The following ESRRG variants were observed in gnomAD, a reference collection of about 807,000 sequenced individuals.
ESRRG encodes estrogen-related receptor gamma.
A neutral mutation model predicts 44.0 loss-of-function variants in ESRRG; 13 were observed. The ratio of observed to expected loss-of-function variants is 0.30; its 90% CI spans 0.19 to 0.47. ESRRG has a LOEUF of 0.47. Among genes scored for constraint, ESRRG ranks in the 20% least tolerant of loss-of-function variants. ESRRG has a pLI of 1.00. For missense variants in ESRRG, 395 were observed against 580.6 expected (o/e 0.68, Z 3.29); for synonymous variants, 215 against 214.6 (o/e 1.00, Z -0.02).
chr1:216,622,946 G>A (rs2062518417), intron 3 of ESRRG, among the ~76,000 whole-genome samples: 1 of 152,074 alleles, frequency 6.6e-6, no homozygotes, highest in East Asian at 1.9e-4. Context: ...AAGCTAAACA[G>A]TTCTTATAGA....
rs1054982305 is a variant in ESRRG at position 217,028,171 on chromosome 1, G to A, written c.-106+61336C>T. Among the ~76,000 whole-genome samples the A allele has an allele frequency of 4.6e-5, 7 of 151,994 alleles. No individual in the cohort carries two copies. In the East Asian group the frequency reaches 7.7e-4, roughly 17 times the overall value. On this transcript the variant is annotated intron_variant, in intron 1 of 7. Coordinates refer to the ESRRG transcript ENST00000359162. ...TCATTATAACCTACAAAGGGATATC[G>A]GTCTTACAGAATAGCATCTTACTTC...
chr1:217,115,607 G>T (rs571434595), intron 1 of ESRRG, among the ~76,000 whole-genome samples: 4 of 152,160 alleles, frequency 2.6e-5, no homozygotes, highest in Admixed American at 2.6e-4. Context: ...TATCTGAAAT[G>T]CTCCTCCCTG....
At chr1:216,885,585 G>A (rs1163475578) in intron 2 of ESRRG, among the ~76,000 whole-genome samples, 1 of 150,592 alleles carries the variant, frequency 6.6e-6, no homozygotes, top group Non-Finnish European at 1.5e-5. Context: ...TTTATTGAAT[G>A]TTGATGCAAT....
upstream of ESRRG, among the ~76,000 whole-genome samples, chr1:216,725,042 C>T (rs150849354): frequency 1.3e-5 from 2 of 152,082 alleles, no homozygotes; most frequent in African/African-American, 4.8e-5. Flanking sequence ...ACTCCCTTAA[C>T]CCTCTCAAAT....
chr1:216,947,570 C>A (rs949889073), intron 1 of ESRRG, among the ~76,000 whole-genome samples: 1 of 152,080 alleles, frequency 6.6e-6, no homozygotes, highest in Non-Finnish European at 1.5e-5. Context: ...TGGGGCTGTA[C>A]GTGAGTATTT....
intron 2 of ESRRG, among the ~76,000 whole-genome samples, chr1:216,908,386 G>A (rs150948771): frequency 4.0e-4 from 61 of 152,292 alleles, no homozygotes; most frequent in Non-Finnish European, 6.8e-4. Flanking sequence ...GCCCTCAGAC[G>A]TCAGGGCTAG....
intron 2 of ESRRG, among the ~76,000 whole-genome samples, chr1:216,800,831 A>G (rs568936701): frequency 1.3e-5 from 2 of 152,320 alleles, no homozygotes; most frequent in African/African-American, 4.8e-5. Flanking sequence ...ATGAGTTTAT[A>G]AAGTCCTGTG....
chr1:216,577,959 A>T (rs1025735139), intron 3 of ESRRG, among the ~76,000 whole-genome samples: 2 of 152,056 alleles, frequency 1.3e-5, no homozygotes, highest in Non-Finnish European at 2.9e-5. Context: ...TTAGCAATTC[A>T]CTGAAGACAA....
intron 2 of ESRRG, among the ~76,000 whole-genome samples, chr1:216,785,356 G>A (rs2094089339): frequency 6.6e-6 from 1 of 152,032 alleles, no homozygotes; most frequent in Non-Finnish European, 1.5e-5. Context: ...AAGCAGCTGA[G>A]CAGGGTGTAG....
intron 2 of ESRRG, among the ~76,000 whole-genome samples, chr1:216,897,315 C>G (rs2058543455): frequency 6.6e-6 from 1 of 152,142 alleles, no homozygotes; most frequent in South Asian, 2.1e-4. Flanking sequence ...AGTAGTTTCT[C>G]AAACATCAAT....
chr1:217,075,640 A>G (rs951494229), intron 1 of ESRRG, among the ~76,000 whole-genome samples: 1 of 146,436 alleles, frequency 6.8e-6, no homozygotes, highest in South Asian at 2.4e-4. Flanking sequence ...TCTTTTTGAT[A>G]AACATAGCTG....
intron 1 of ESRRG, chr1:217,000,763 G>GT (rs1285755608): frequency 2.0e-5 from 3 of 152,266 alleles, no homozygotes; most frequent in African/African-American, 7.2e-5. Flanking sequence ...ACAGCTTCAT[G>GT]TTAGAAAGGG....
At chr1:216,557,208 T>A (rs2057768068) in intron 5 of ESRRG, among the ~76,000 whole-genome samples, 1 of 152,188 alleles carries the variant, frequency 6.6e-6, no homozygotes, top group Non-Finnish European at 1.5e-5. Context: ...TTTTATTGAT[T>A]TATAGGACAT....
intron 1 of ESRRG, among the ~76,000 whole-genome samples, chr1:216,995,503 G>C (rs1579229880): frequency 6.6e-6 from 1 of 152,298 alleles, no homozygotes; most frequent in South Asian, 2.1e-4. Context: ...ATTCCTGTAA[G>C]AAGCATGCTT....
intron 1 of ESRRG, among the ~76,000 whole-genome samples, chr1:217,031,140 G>A (rs939685822): frequency 6.6e-5 from 10 of 152,144 alleles, no homozygotes; most frequent in Non-Finnish European, 1.5e-4. Context: ...TTTTCTAAGA[G>A]TTATTTTAAA....
In ESRRG at chr1:216,505,264, T is replaced by C. The variant is rs2041000328; in HGVS notation, c.*1675A>G. 6.6e-6 allele frequency: 1 copy of C among 152,614 alleles called. No homozygotes were observed. Among genetic ancestry groups the C allele is most frequent in the Non-Finnish European group, 1.5e-5 (1 of 68,032 alleles). 9.5% of individuals were successfully genotyped at this position (152,614 alleles called of 1,614,324 possible). A position where few individuals can be genotyped will look rare whatever the true frequency, so the allele number is the denominator to read the frequency against. ...TCGGGGCATCTAATTGATTTCTTCA[T>C]TAGATTACACCTCTTAACAGTCTGG... On this transcript the variant is annotated 3_prime_UTR_variant, in exon 7 of 7. Coordinates refer to ENST00000408911, the MANE Select transcript of ESRRG (RefSeq NM_001438.4).
intron 2 of ESRRG, among the ~76,000 whole-genome samples, chr1:216,832,825 AG>A (rs1208601185): frequency 6.6e-6 from 1 of 152,066 alleles, no homozygotes; most frequent in Non-Finnish European, 1.5e-5. Context: ...TAAACACAAA[AG>A]TTAGCCAGAT....
intron 2 of ESRRG, among the ~76,000 whole-genome samples, chr1:216,756,369 G>A (rs2092444839): frequency 6.6e-6 from 1 of 151,952 alleles, no homozygotes; most frequent in Non-Finnish European, 1.5e-5. Context: ...CCTGGAATAA[G>A]AGAATGATTT....
chr1:216,721,600 C>G (rs1425064440), intron 1 of ESRRG, among the ~76,000 whole-genome samples: 1 of 152,156 alleles, frequency 6.6e-6, no homozygotes, highest in African/African-American at 2.4e-5. Flanking sequence ...CTTATCTAAA[C>G]GAATTATTCA....
Sources: allele counts gnomAD v4.1 joint callset (sites outside exome capture counted in the v4.1 genomes callset), GRCh38; gene constraint gnomAD v4.1.1; transcripts MANE v1.5; gene names NCBI Gene and HGNC (gene_info 2026-07-23, HGNC 2026-07-21).